CLEC16A: variants seen among roughly 807,000 people sequenced by gnomAD.
The protein encoded by CLEC16A is protein CLEC16A.
CLEC16A carries 51 observed loss-of-function variants against 109.5 expected under a neutral mutation model. The ratio of observed to expected loss-of-function variants is 0.47; its 90% CI spans 0.37 to 0.59. CLEC16A has a LOEUF of 0.59. Ranked by LOEUF, CLEC16A falls within the 20% of genes least tolerant of loss-of-function variation. The pLI is 0.00. For missense variants in CLEC16A, 1,339 were observed against 1,394.0 expected, an observed-to-expected ratio of 0.96 and a Z score of 0.63; for synonymous variants, 673 against 564.2, an observed-to-expected ratio of 1.19 and a Z score of -2.73.
At chr16:10,987,359 G>A (rs2043733437) in intron 10 of CLEC16A, among the ~76,000 whole-genome samples, 1 of 152,132 alleles carries the variant, frequency 6.6e-6, no homozygotes. Context: ...CGGGTTACTG[G>A]CAACCTCTCA....
At chr16:11,102,620 C>A (rs897475530) in intron 19 of CLEC16A, among the ~76,000 whole-genome samples, 2 of 152,182 alleles carry the variant, frequency 1.3e-5, no homozygotes, top group African/African-American at 4.8e-5. Context: ...ATTTGAGTGA[C>A]AAGGAAGCTG....
intron 10 of CLEC16A, among the ~76,000 whole-genome samples, chr16:10,997,693 G>C (rs2044413203): frequency 6.6e-6 from 1 of 152,214 alleles, no homozygotes; most frequent in South Asian, 2.1e-4. Context: ...AGGTAGAGCA[G>C]AAAGTGAAAG....
chr16:10,966,898 C>T (rs2042537761), intron 3 of CLEC16A, among the ~76,000 whole-genome samples: 1 of 152,198 alleles, frequency 6.6e-6, no homozygotes, highest in African/African-American at 2.4e-5. Flanking sequence ...CCATATCATA[C>T]ATATATGTGT....
At position 10,957,842 on chromosome 16, in the gene CLEC16A, A is replaced by G. The variant is rs760394240; in HGVS notation, c.141A>G (p.Leu47=). ...TTVTEQNRNL[L]VETIRSITEI... is the part of the protein sequence containing the mutation. Reference sequence around the variant, plus strand: ...TCACAGAACAGAACCGGAACCTGCTAGTGGAGACCATCCGTTCCATCACTG... The same window carrying G: ...TCACAGAACAGAACCGGAACCTGCTGGTGGAGACCATCCGTTCCATCACTG... Residue 47 remains leucine (L), a synonymous_variant, in exon 2 of 24, where the codon CTA becomes CTG. Transcript: ENST00000409790. The G allele has an allele frequency of 1.1e-5, 17 of 1,613,562 alleles. No homozygotes were observed. In the Middle Eastern group the frequency reaches 6.6e-4, roughly 62 times the overall value.
At chr16:11,045,156 T>C (rs1327256086) in intron 16 of CLEC16A, among the ~76,000 whole-genome samples, 1 of 151,728 alleles carries the variant, frequency 6.6e-6, no homozygotes, top group African/African-American at 2.4e-5. Context: ...CCATTCTGGC[T>C]AACATGGTGA....
intron 22 of CLEC16A, among the ~76,000 whole-genome samples, chr16:11,128,135 A>G (rs1251037141): frequency 1.3e-5 from 2 of 152,226 alleles, no homozygotes; most frequent in Non-Finnish European, 2.9e-5. Flanking sequence ...TTCGGAACTT[A>G]CTGGTTAAAG....
intron 19 of CLEC16A, among the ~76,000 whole-genome samples, chr16:11,111,381 G>A (rs1430939644): frequency 2.0e-5 from 3 of 152,028 alleles, no homozygotes; most frequent in Admixed American, 6.5e-5. Flanking sequence ...TGGCTACTTG[G>A]GCTTCCTCAC....
At chr16:11,078,680 T>A (rs976571500) in intron 19 of CLEC16A, among the ~76,000 whole-genome samples, 1 of 151,926 alleles carries the variant, frequency 6.6e-6, no homozygotes, top group Non-Finnish European at 1.5e-5. Flanking sequence ...GTTGAGCAGG[T>A]TTTAGAGGAA....
intron 19 of CLEC16A, among the ~76,000 whole-genome samples, chr16:11,074,228 C>T (rs1845422110): frequency 6.6e-6 from 1 of 152,124 alleles, no homozygotes; most frequent in East Asian, 1.9e-4. Flanking sequence ...GGAAAAAAAT[C>T]AAGTTTCAGT....
chr16:11,085,207 G>A (rs539045906), intron 19 of CLEC16A, among the ~76,000 whole-genome samples: 85 of 152,380 alleles, frequency 5.6e-4, no homozygotes, highest in African/African-American at 2.0e-3. Context: ...CTGGGTTCCA[G>A]GAGGATCACG....
intron 22 of CLEC16A, among the ~76,000 whole-genome samples, chr16:11,161,400 G>T (rs1000044206): frequency 2.0e-5 from 3 of 152,200 alleles, no homozygotes; most frequent in Non-Finnish European, 4.4e-5. Context: ...TGTAAAGACA[G>T]AAAAGAAGCA....
Position 10,956,123 on chromosome 16 carries a change from C to T in CLEC16A, c.81-1659C>T, listed in dbSNP as rs1225924503. ...TATAGAGGGAAACTGGGCCCATGCC[C>T]CCTCCCGCAGCCTTTTGGTAGATTT... On this transcript the variant is annotated intron_variant, in intron 1 of 23. Coordinates refer to ENST00000409790, the MANE Select transcript of CLEC16A (RefSeq NM_015226.3). 2.6e-5 allele frequency among the ~76,000 whole-genome samples: 4 copies of T among 152,154 alleles called. No homozygotes were observed. The East Asian group carries it at 7.7e-4, about 29-fold the overall frequency.
intron 12 of CLEC16A, 62 bp from the exon 13 acceptor site, chr16:11,024,757 TAG>T: frequency 7.8e-7 from 1 of 1,281,572 alleles, no homozygotes; most frequent in Admixed American, 2.0e-5. Context: ...ATGTGCAGGT[TAG>T]AGAGGGGAGG....
intron 22 of CLEC16A, among the ~76,000 whole-genome samples, chr16:11,152,883 G>T (rs1295435856): frequency 6.6e-6 from 1 of 152,162 alleles, no homozygotes; most frequent in Non-Finnish European, 1.5e-5. Flanking sequence ...TCGGGCGCCA[G>T]GGGTCATTGA....
chr16:11,132,766 G>T (rs897699941), intron 22 of CLEC16A, among the ~76,000 whole-genome samples: 1 of 152,192 alleles, frequency 6.6e-6, no homozygotes, highest in East Asian at 1.9e-4. Context: ...GGGGAACCTC[G>T]TTTGTCTTGT....
At chr16:11,101,477 A>G (rs1279123991) in intron 19 of CLEC16A, among the ~76,000 whole-genome samples, 2 of 152,124 alleles carry the variant, frequency 1.3e-5, no homozygotes, top group Non-Finnish European at 2.9e-5. Context: ...TCTGCGTGTC[A>G]CACTCTGCGT....
chr16:11,042,041 G>A, intron 14 of CLEC16A: 1 of 549,964 alleles, frequency 1.8e-6, no homozygotes, highest in South Asian at 2.3e-5. Flanking sequence ...GGAAGTATTT[G>A]GTATAGGTAG....
chr16:11,089,081 G>A (rs577866811), intron 19 of CLEC16A, among the ~76,000 whole-genome samples: 3 of 152,230 alleles, frequency 2.0e-5, no homozygotes, highest in East Asian at 1.9e-4. Context: ...CAAGCTCTTC[G>A]CACCTGCACA....
At chr16:11,078,152 CAGGCCAGG>C (rs2049495475) in intron 19 of CLEC16A, among the ~76,000 whole-genome samples, 1 of 152,006 alleles carries the variant, frequency 6.6e-6, no homozygotes, top group Admixed American at 6.6e-5. Context: ...GCTCCTAGGC[CAGGCCAGG>C]ACAGAGCTGT....
Sources: allele counts gnomAD v4.1 joint callset (sites outside exome capture counted in the v4.1 genomes callset), GRCh38; gene constraint gnomAD v4.1.1; transcripts MANE v1.5; gene names NCBI Gene and HGNC (gene_info 2026-07-23, HGNC 2026-07-21).